The following MCOLN3 variants were observed in gnomAD, a reference collection of about 807,000 sequenced individuals.
MCOLN3 encodes the protein mucolipin TRP cation channel 3.
MCOLN3 carries 62 observed loss-of-function variants against 69.4 expected under a neutral mutation model. The observed-to-expected ratio is 0.89, with a 90% CI of 0.73 to 1.10. The LOEUF is 1.10. Ranked by LOEUF, MCOLN3 falls within the 50% of genes least tolerant of loss-of-function variation. MCOLN3 has a pLI of 0.00. For synonymous variants in MCOLN3, 183 were observed against 217.0 expected (o/e 0.84, Z 1.38); for missense variants, 564 against 656.4 (o/e 0.86, Z 1.54).
chr1:85,023,825 G>A (rs904263732), intron 9 of MCOLN3, among the ~76,000 whole-genome samples: 9 of 152,206 alleles, frequency 5.9e-5, no homozygotes, highest in African/African-American at 1.9e-4. Context: ...AACCAGCAAA[G>A]TCAGAAGACC....
intron 2 of MCOLN3, among the ~76,000 whole-genome samples, chr1:85,042,546 T>C (rs1047523439): frequency 6.6e-6 from 1 of 152,204 alleles, no homozygotes; most frequent in Non-Finnish European, 1.5e-5. Flanking sequence ...AAGATATTCT[T>C]ACCAGTCATT....
chr1:85,040,250 C>T lies in MCOLN3; in HGVS notation c.396+760G>A, dbSNP rs182304357. 3.3e-5 allele frequency among the ~76,000 whole-genome samples: 5 copies of T among 152,236 alleles called. No individual in the cohort carries two copies. The East Asian group carries it at 9.6e-4, about 29-fold the overall frequency. ...GCCATAAATATGTATTTTATCCTAG[C>T]AGTTTACATCTTACTGTGCATAGAC... On this transcript the variant is annotated intron_variant, in intron 3 of 12. Coordinates refer to ENST00000370589, the MANE Select transcript of MCOLN3 (RefSeq NM_018298.11).
At chr1:85,041,216 T>C in intron 2 of MCOLN3, 39 bp from the exon 3 acceptor site, 1 of 1,570,094 alleles carries the variant, frequency 6.4e-7, no homozygotes, top group Non-Finnish European at 8.6e-7. Flanking sequence ...GGGTGGAAAA[T>C]GTGGGCAGAA....
At chr1:85,023,080 T>TTC (rs1652031106) in intron 9 of MCOLN3, 1 of 145,842 alleles carries the variant, frequency 6.9e-6, no homozygotes, top group Non-Finnish European at 1.5e-5. Flanking sequence ...TATTCTTTTT[T>TTC]TTTTTTTTTT....
chr1:85,041,389 AG>A (rs758298275), intron 2 of MCOLN3, among the ~76,000 whole-genome samples: 1 of 152,226 alleles, frequency 6.6e-6, no homozygotes, highest in Non-Finnish European at 1.5e-5. Flanking sequence ...AAACCATGAC[AG>A]GAAGACCAAA....
At chr1:85,028,461 G>A (rs1264837267) in intron 7 of MCOLN3, among the ~76,000 whole-genome samples, 2 of 152,160 alleles carry the variant, frequency 1.3e-5, no homozygotes, top group Non-Finnish European at 2.9e-5. Flanking sequence ...CGACCATTAA[G>A]TCCAGTACGA....
intron 2 of MCOLN3, among the ~76,000 whole-genome samples, 197 bp downstream of exon 2, chr1:85,044,935 GA>G (rs1363857747): frequency 1.3e-5 from 2 of 151,716 alleles, no homozygotes; most frequent in African/African-American, 2.4e-5. Context: ...AACGATACAA[GA>G]AAAAAACTAA....
intron 3 of MCOLN3, among the ~76,000 whole-genome samples, chr1:85,037,440 A>C (rs1295735422): frequency 6.6e-6 from 1 of 152,142 alleles, no homozygotes; most frequent in Admixed American, 6.5e-5. Flanking sequence ...CACAAGAATC[A>C]CCTAAAGGTC....
chr1:85,036,514 G>C (rs769410778), intron 3 of MCOLN3, among the ~76,000 whole-genome samples: 3 of 152,080 alleles, frequency 2.0e-5, no homozygotes, highest in Non-Finnish European at 2.9e-5. Flanking sequence ...ATAAATATTT[G>C]AGTGAATACA....
chr1:85,020,977 A>G (rs1486992621), intron 12 of MCOLN3, 93 bp downstream of exon 12: 1 of 877,316 alleles, frequency 1.1e-6, no homozygotes, highest in Non-Finnish European at 1.7e-6. Context: ...TTAACATTCC[A>G]TCAACTTTTC....
At chr1:85,042,704 C>T (rs1249123947) in intron 2 of MCOLN3, among the ~76,000 whole-genome samples, 1 of 152,122 alleles carries the variant, frequency 6.6e-6, no homozygotes, top group Non-Finnish European at 1.5e-5. Flanking sequence ...GAGAGTAAGC[C>T]AGGTAGTGGG....
At chr1:85,036,330 T>A (rs987960608) in intron 3 of MCOLN3, among the ~76,000 whole-genome samples, 70 of 152,010 alleles carry the variant, frequency 4.6e-4, no homozygotes, top group African/African-American at 1.6e-3. Flanking sequence ...TAGCTGGGAG[T>A]ACAGGCTCAT....
chr1:85,034,468 C>G (rs1652713448), intron 3 of MCOLN3, among the ~76,000 whole-genome samples: 1 of 152,222 alleles, frequency 6.6e-6, no homozygotes, highest in Non-Finnish European at 1.5e-5. Context: ...CTGTGACAAA[C>G]TTTCTGACCT....
rs199625574 is a variant in MCOLN3, at chr1:85,045,374, AAACAACAAC to A, written c.-2-21_-2-13del. The A allele has an allele frequency of 1.9e-6, 3 of 1,576,134 alleles. No homozygotes were observed. ...AGGATCTGCCATCTCTAGAGGAAAA[AAACAACAAC>A]AACAACAACCAACATTTCCATTTAG... On this transcript the variant is annotated splice_polypyrimidine_tract_variant and intron_variant, in intron 1 of 12. Transcript: ENST00000370589.
rs1040194967 is a variant in MCOLN3, at chr1:85,032,965, G to A, written c.551-9C>T. On this transcript the variant is annotated splice_polypyrimidine_tract_variant and intron_variant, in intron 4 of 12. Coordinates refer to ENST00000370589, the MANE Select transcript of MCOLN3 (RefSeq NM_018298.11). ...CTCCACAAAGAAACACTCTGCCATA[G>A]AAAGGAACAAAAACATGATACAGTA... 1.2e-6 allele frequency: 2 copies of A among 1,613,046 alleles called. No homozygotes were observed. The highest frequency in any genetic ancestry group is 3.3e-5 in the Admixed American group (2 of 60,022).
At chr1:85,033,568 T>C (rs1356792225) in intron 4 of MCOLN3, among the ~76,000 whole-genome samples, 1 of 152,206 alleles carries the variant, frequency 6.6e-6, no homozygotes, top group East Asian at 1.9e-4. Flanking sequence ...AGAACTTTGC[T>C]AAGAAGAATA....
chr1:85,032,227 G>A (rs994769638), intron 6 of MCOLN3, among the ~76,000 whole-genome samples: 8 of 152,190 alleles, frequency 5.3e-5, no homozygotes, highest in African/African-American at 1.9e-4. Context: ...ACTGTGTGCA[G>A]TGGTATAACT....
At chr1:85,048,029 G>A (rs1653465386) in intron 1 of MCOLN3, among the ~76,000 whole-genome samples, 1 of 152,226 alleles carries the variant, frequency 6.6e-6, no homozygotes, top group African/African-American at 2.4e-5. Context: ...GCCCCGGCCG[G>A]CATCCAAGCC....
intron 4 of MCOLN3, among the ~76,000 whole-genome samples, 171 bp downstream of exon 4, chr1:85,033,927 G>C (rs141422840): frequency 1.3e-5 from 2 of 152,216 alleles, no homozygotes; most frequent in Admixed American, 6.5e-5. Flanking sequence ...GAGGATTCTT[G>C]AGTTATAGTA....
Sources: gnomAD v4.1 joint callset for allele counts (sites outside exome capture counted in the v4.1 genomes callset) on GRCh38, gnomAD v4.1.1 for gene constraint, MANE v1.5 for transcripts, NCBI Gene and HGNC (gene_info 2026-07-23, HGNC 2026-07-21) for gene names.